XDH: variants seen among roughly 807,000 people sequenced by gnomAD.
The protein encoded by XDH is xanthine dehydrogenase.
XDH carries 138 observed loss-of-function variants against 156.1 expected under a neutral mutation model. The ratio of observed to expected loss-of-function variants is 0.88; its 90% CI spans 0.77 to 1.02. The LOEUF is 1.02. Ranked by LOEUF, XDH falls within the 50% of genes least tolerant of loss-of-function variation. XDH has a pLI of 0.00. For synonymous variants in XDH, 669 were observed against 625.7 expected, an observed-to-expected ratio of 1.07 and a Z score of -1.03; for missense variants, 1,849 against 1,684.9, an observed-to-expected ratio of 1.10 and a Z score of -1.71.
At chr2:31,372,716 A>T (rs557888559) in intron 16 of XDH, among the ~76,000 whole-genome samples, 105 of 152,348 alleles carry the variant, frequency 6.9e-4, no homozygotes, top group Non-Finnish European at 1.2e-3. Flanking sequence ...GAAGAACTTT[A>T]ATTAGAAGGA....
intron 14 of XDH, among the ~76,000 whole-genome samples, chr2:31,375,957 T>C (rs2281547): frequency 0.34 from 51,762 of 152,022 alleles, 9,054 homozygotes; most frequent in Non-Finnish European, 0.36. Flanking sequence ...ATTTGGTAAA[T>C]GACAAAGCCA....
chr2:31,359,527 A>G (rs1170473694), intron 24 of XDH, among the ~76,000 whole-genome samples: 1 of 152,226 alleles, frequency 6.6e-6, no homozygotes, highest in Non-Finnish European at 1.5e-5. Flanking sequence ...ATAACATAAT[A>G]CAAACATATA....
At chr2:31,400,911 C>A (rs1687040698) in intron 4 of XDH, among the ~76,000 whole-genome samples, 1 of 152,204 alleles carries the variant, frequency 6.6e-6, no homozygotes, top group Admixed American at 6.5e-5. Context: ...TGAGGAAGCT[C>A]TTCTGCATCC....
At position 31,386,431 on chromosome 2, in the gene XDH, A is replaced by G. The variant is rs1387743705; in HGVS notation, c.776T>C (p.Val259Ala). ...GCCCTTACCAATCTCCGTGTTCCCCACGACCAGCTTGGCGTCAGGGTGCTG... is the reference window on the plus strand; with the variant it reads ...GCCCTTACCAATCTCCGTGTTCCCCGCGACCAGCTTGGCGTCAGGGTGCTG... ...KAQHPDAKLV[V>A]GNTEIGIEMK... is the part of the protein sequence containing the mutation. Residue 259 changes from valine to alanine, a missense_variant, in exon 9 of 36, where the codon GTG (valine) becomes GCG (alanine). By Grantham distance (64) the Val-to-Ala change is moderately conservative. Transcript: ENST00000379416. 5.6e-6 allele frequency: 9 copies of G among 1,613,592 alleles called. No homozygotes were observed. The highest frequency in any genetic ancestry group is 7.6e-6 in the Non-Finnish European group (9 of 1,180,012).
intron 7 of XDH, 130 bp from the exon 8 acceptor site, chr2:31,388,027 C>T (rs1042824264): frequency 8.6e-7 from 1 of 1,165,106 alleles, no homozygotes; most frequent in African/African-American, 1.5e-5. Context: ...AGCAGGTAAT[C>T]CCTGGGAGGC....
rs148927175 is a variant in XDH at position 31,397,411 on chromosome 2, G to A, written c.495+257C>T. On this transcript the variant is annotated intron_variant, in intron 6 of 35. Coordinates refer to ENST00000379416, the MANE Select transcript of XDH (RefSeq NM_000379.4). ...GCCAAGCTCAAAGGCACTCTCAGGC[G>A]GTGAGCCTCTTCCAGGAAGCCGGTC... Among the ~76,000 whole-genome samples, 295 of 152,302 alleles carry A rather than the reference G, an allele frequency of 1.9e-3. 1 individual carries two copies. The highest frequency in any genetic ancestry group is 6.2e-3 in the African/African-American group (259 of 41,568).
intron 9 of XDH, 74 bp downstream of exon 9, chr2:31,386,340 T>G (rs549701362): frequency 3.8e-6 from 6 of 1,587,528 alleles, no homozygotes; most frequent in Non-Finnish European, 5.1e-6. Context: ...CAGGGGGAGG[T>G]GAGGATGGGC....
In XDH at chr2:31,402,965, A is replaced by G. The variant is rs1243804477; in HGVS notation, c.197+83T>C. The G allele has an allele frequency of 1.4e-5, 20 of 1,466,606 alleles. No individual in the cohort carries two copies. In the East Asian group the frequency reaches 4.1e-4, roughly 30 times the overall value. 90.8% of individuals were successfully genotyped at this position (1,466,606 alleles called of 1,614,324 possible). A position where few individuals can be genotyped will look rare whatever the true frequency, so the allele number is the denominator to read the frequency against. ...CTCACACATGCGCACATGCACATACACACATACACTCATGCACTCCCTCAC... is the reference window on the plus strand; with the variant it reads ...CTCACACATGCGCACATGCACATACGCACATACACTCATGCACTCCCTCAC... On this transcript the variant is annotated intron_variant, in intron 3 of 35. Coordinates refer to ENST00000379416, the MANE Select transcript of XDH (RefSeq NM_000379.4).
intron 15 of XDH, among the ~76,000 whole-genome samples, chr2:31,374,900 A>G (rs1458292426): frequency 1.3e-5 from 2 of 151,642 alleles, no homozygotes; most frequent in African/African-American, 4.9e-5. Context: ...GACATATCCT[A>G]TGGATTCCAC....
chr2:31,362,542 A>C (rs1210942219), intron 24 of XDH, among the ~76,000 whole-genome samples: 3 of 152,212 alleles, frequency 2.0e-5, no homozygotes, highest in African/African-American at 7.2e-5. Flanking sequence ...TATGAGTTTT[A>C]CCTGTCATGT....
intron 6 of XDH, among the ~76,000 whole-genome samples, chr2:31,396,970 G>C (rs1012721890): frequency 1.3e-5 from 2 of 152,204 alleles, no homozygotes; most frequent in African/African-American, 2.4e-5. Flanking sequence ...CCTGGACCCA[G>C]AATCAAACTG....
At position 31,383,941 on chromosome 2, in the gene XDH, T is replaced by A. The variant is rs1686511950; in HGVS notation, c.794-94A>T. 7 of 1,078,930 alleles carry A rather than the reference T, an allele frequency of 6.5e-6. No homozygotes were observed. In the East Asian group the frequency reaches 1.7e-4, roughly 27 times the overall value. The allele number at this position is 1,078,930 out of a possible 1,614,324, so 66.8% of individuals were successfully genotyped here. ...TTCTCACCATTACACACAGGATATATGACATATCCACAATCATAATATGCT... is the reference window on the plus strand; with the variant it reads ...TTCTCACCATTACACACAGGATATAAGACATATCCACAATCATAATATGCT... On this transcript the variant is annotated intron_variant, in intron 9 of 35. Transcript: ENST00000379416.
chr2:31,388,273 T>C lies in XDH; in HGVS notation c.518A>G (p.Asp173Gly). The C allele has an allele frequency of 6.2e-7, 1 of 1,614,126 alleles. No individual in the cohort carries two copies. The highest frequency in any genetic ancestry group is 2.2e-5 in the East Asian group (1 of 44,862). ...CATGCAGCAATTTGGATTATTCCCA[T>C]CTCCTCCACAGCATCCACCATCCTA... ...FARDGGCCGG[D>G]GNNPNCCMNQ... The change falls in exon 7 of 36, where the codon GAT (aspartate) becomes GGT (glycine). Residue 173 changes from aspartate to glycine, a missense_variant. Transcript: ENST00000379416.
At chr2:31,386,579 A>C (rs757304800) in intron 8 of XDH, 24 bp from the exon 9 acceptor site, 8 of 1,613,882 alleles carry the variant, frequency 5.0e-6, no homozygotes, top group Non-Finnish European at 6.8e-6. Context: ...TTTTCTTACT[A>C]CACTGTCTCC....
chr2:31,411,252 G>C (rs1217505784), intron 1 of XDH, among the ~76,000 whole-genome samples: 2 of 148,372 alleles, frequency 1.3e-5, no homozygotes, highest in African/African-American at 5.0e-5. Context: ...CTGCACTCCA[G>C]CCTGGGCGAC....
At chr2:31,402,730 G>A (rs1687095622) in intron 3 of XDH, among the ~76,000 whole-genome samples, 1 of 152,192 alleles carries the variant, frequency 6.6e-6, no homozygotes, top group Non-Finnish European at 1.5e-5. Flanking sequence ...GGCATACTGT[G>A]CAGGGCCTTG....
intron 12 of XDH, among the ~76,000 whole-genome samples, chr2:31,380,558 G>A (rs1473616469): frequency 3.3e-5 from 5 of 152,236 alleles, no homozygotes; most frequent in African/African-American, 1.2e-4. Context: ...CCTCTAACAA[G>A]CTTTCCTGGT....
chr2:31,343,720 T>C (rs1272399916), intron 31 of XDH, among the ~76,000 whole-genome samples: 4 of 149,248 alleles, frequency 2.7e-5, no homozygotes, highest in Non-Finnish European at 5.9e-5. Flanking sequence ...TATCTATACA[T>C]ATATATTAGC....
chr2:31,365,512 C>A lies in XDH; in HGVS notation c.2489G>T (p.Arg830Leu), dbSNP rs755184467. 1.2e-6 allele frequency: 2 copies of A among 1,614,158 alleles called. No homozygotes were observed. The highest frequency in any genetic ancestry group is 2.2e-5 in the East Asian group (1 of 44,866). ...ACCAGTTATCAGCATGTCCTCATCA[C>A]GGTCCAGCATGCATCGCACAGGGCG... ...TGRPVRCMLD[R>L]DEDMLITGGR... The change falls in exon 23 of 36, where the codon CGT becomes CTT. Residue 830 changes from arginine (R) to leucine (L), a missense_variant. Coordinates refer to ENST00000379416, the MANE Select transcript of XDH (RefSeq NM_000379.4).
Sources: allele counts gnomAD v4.1 joint callset (sites outside exome capture counted in the v4.1 genomes callset), GRCh38; gene constraint gnomAD v4.1.1; transcripts MANE v1.5; gene names NCBI Gene and HGNC (gene_info 2026-07-23, HGNC 2026-07-21).